Variants in FBXL2 observed in about 807,000 individuals in gnomAD.
FBXL2 encodes F-box and leucine rich repeat protein 2.
FBXL2 carries 38 observed loss-of-function variants against 69.2 expected under a neutral mutation model. The ratio of observed to expected loss-of-function variants is 0.55; its 90% CI spans 0.42 to 0.72. The LOEUF is 0.72. Ranked by LOEUF, FBXL2 falls within the 30% of genes least tolerant of loss-of-function variation. FBXL2 has a pLI of 0.00. For missense variants in FBXL2, 354 were observed against 520.3 expected (o/e 0.68, Z 3.11); for synonymous variants, 192 against 201.3 (o/e 0.95, Z 0.39).
chr3:33,381,474 G>A (rs1264632874), intron 13 of FBXL2, among the ~76,000 whole-genome samples: 1 of 151,970 alleles, frequency 6.6e-6, no homozygotes. Flanking sequence ...GAGAAACCCC[G>A]CCTCTACTAA....
chr3:33,336,321 C>T (rs1276509308), intron 2 of FBXL2, among the ~76,000 whole-genome samples: 2 of 152,002 alleles, frequency 1.3e-5, no homozygotes, highest in African/African-American at 4.8e-5. Context: ...CCAAAGTACC[C>T]TTACATTTCT....
chr3:33,355,523 T>A (rs988904374), intron 2 of FBXL2, among the ~76,000 whole-genome samples: 5 of 152,172 alleles, frequency 3.3e-5, no homozygotes, highest in Non-Finnish European at 7.4e-5. Context: ...GGATCAAGAA[T>A]AACTAAGATA....
At chr3:33,408,216 C>T (rs1030334833), downstream of FBXL2, among the ~76,000 whole-genome samples, 10 of 152,116 alleles carry the variant, frequency 6.6e-5, no homozygotes, top group South Asian at 2.1e-4. Flanking sequence ...AAGAACTGCA[C>T]GTGTTAATGT....
intron 12 of FBXL2, chr3:33,398,381 A>G (rs1575455003): frequency 1.3e-5 from 2 of 152,252 alleles, no homozygotes; most frequent in South Asian, 4.1e-4. Context: ...TCAGGTAAGC[A>G]AAGAGGCTCT....
At chr3:33,371,196 G>T (rs1273855806) in intron 5 of FBXL2, among the ~76,000 whole-genome samples, 2 of 139,532 alleles carry the variant, frequency 1.4e-5, no homozygotes, top group African/African-American at 5.4e-5. Flanking sequence ...ATGGAGTCTC[G>T]CTCTGTGGCC....
At chr3:33,369,900 AC>A (rs2042180938) in intron 5 of FBXL2, among the ~76,000 whole-genome samples, 1 of 152,196 alleles carries the variant, frequency 6.6e-6, no homozygotes, top group Non-Finnish European at 1.5e-5. Flanking sequence ...GGCATGAGCC[AC>A]AGTGCCCGGC....
At chr3:33,309,995 T>A (rs920277755) in intron 2 of FBXL2, among the ~76,000 whole-genome samples, 1 of 151,974 alleles carries the variant, frequency 6.6e-6, no homozygotes, top group Non-Finnish European at 1.5e-5. Context: ...ACCTTTTCTC[T>A]ACAAAAAGGA....
intron 14 of FBXL2, 77 bp downstream of exon 14, chr3:33,384,278 G>GC: frequency 1.4e-6 from 2 of 1,442,062 alleles, no homozygotes; most frequent in Non-Finnish European, 1.9e-6. Context: ...TCAGACCGGG[G>GC]CTAGGCACGC....
rs113402902 is a variant in FBXL2, at chr3:33,363,768, T to G, written c.196-857T>G. Among the ~76,000 whole-genome samples the G allele has an allele frequency of 9.3e-4, 142 of 152,284 alleles. 1 individual carries two copies. In the East Asian group the frequency reaches 0.014, roughly 15 times the overall value. On this transcript the variant is annotated intron_variant, in intron 4 of 14. Coordinates refer to ENST00000484457, the MANE Select transcript of FBXL2 (RefSeq NM_012157.5). ...GGGAGTGTTCATGAAGTTTTTTGAC[T>G]ATTAAATGAGCCATAATAGGTACAA...
intron 8 of FBXL2, 47 bp downstream of exon 8, chr3:33,373,751 G>C: frequency 1.2e-6 from 2 of 1,613,872 alleles, no homozygotes; most frequent in South Asian, 2.2e-5. Flanking sequence ...TCAGGTGTGG[G>C]CACATCATCC....
intron 1 of FBXL2, among the ~76,000 whole-genome samples, chr3:33,289,385 A>G (rs2034993505): frequency 2.0e-5 from 3 of 152,168 alleles, no homozygotes; most frequent in African/African-American, 7.2e-5. Flanking sequence ...GATGTTGCAA[A>G]TTGCAACAGT....
intron 2 of FBXL2, among the ~76,000 whole-genome samples, chr3:33,322,373 T>C (rs2038312070): frequency 6.6e-6 from 1 of 152,108 alleles, no homozygotes; most frequent in African/African-American, 2.4e-5. Flanking sequence ...CTACGGCGCC[T>C]GGCCAACTAG....
intron 2 of FBXL2, among the ~76,000 whole-genome samples, chr3:33,355,171 C>T (rs1280550141): frequency 1.3e-5 from 2 of 152,114 alleles, no homozygotes; most frequent in Non-Finnish European, 1.5e-5. Flanking sequence ...CTTGGGTGAT[C>T]CTCCTCCCTT....
downstream of FBXL2, among the ~76,000 whole-genome samples, chr3:33,405,130 T>C (rs1165334635): frequency 1.3e-5 from 2 of 152,092 alleles, no homozygotes; most frequent in Non-Finnish European, 2.9e-5. Context: ...GGGTGATCAT[T>C]TAAAAATTTC....
intron 2 of FBXL2, among the ~76,000 whole-genome samples, chr3:33,322,054 T>A (rs886110155): frequency 1.4e-5 from 2 of 145,884 alleles, no homozygotes; most frequent in Admixed American, 1.4e-4. Flanking sequence ...GTACACGTGG[T>A]GACTAGGTGA....
At chr3:33,411,779 G>GT in the FBXL2 span, 7 of 1,029,252 alleles carry the variant, frequency 6.8e-6, no homozygotes, top group Non-Finnish European at 7.4e-6. Context: ...TGAAATAACT[G>GT]TAACTGCTTT....
the FBXL2 span, among the ~76,000 whole-genome samples, chr3:33,415,004 T>C: frequency 2.0e-5 from 3 of 152,212 alleles, no homozygotes; most frequent in East Asian, 5.8e-4. Context: ...CTTAATTTAT[T>C]TGCTTGCATT....
At position 33,385,481 on chromosome 3, in the gene FBXL2, T is replaced by G; in HGVS notation, c.1165-20T>G. The stretch of plus-strand genomic sequence containing the variant: ...AAATAGTAATGTGTAAAGACTCCAC[T>G]TTTTTCTTCATCCTTCCAGGCTCAG... On this transcript the variant is annotated intron_variant, in intron 14 of 14. Coordinates refer to ENST00000484457, the MANE Select transcript of FBXL2 (RefSeq NM_012157.5). The G allele has an allele frequency of 6.2e-7, 1 of 1,607,212 alleles. No individual in the cohort carries two copies. The highest frequency in any genetic ancestry group is 2.2e-5 in the East Asian group (1 of 44,846).
At chr3:33,307,245 A>G (rs1352918229) in intron 2 of FBXL2, among the ~76,000 whole-genome samples, 1 of 152,192 alleles carries the variant, frequency 6.6e-6, no homozygotes, top group Non-Finnish European at 1.5e-5. Context: ...ACAATATCAT[A>G]TCTGTGGCAT....
Sources: allele counts gnomAD v4.1 joint callset (sites outside exome capture counted in the v4.1 genomes callset), GRCh38; gene constraint gnomAD v4.1.1; transcripts MANE v1.5; gene names NCBI Gene and HGNC (gene_info 2026-07-23, HGNC 2026-07-21).